The following CRY1 variants were observed in gnomAD, a reference collection of about 807,000 sequenced individuals.
The protein encoded by CRY1 is cryptochrome-1.
In CRY1, 45 loss-of-function variants were observed where a neutral mutation model predicts 76.0. The ratio of observed to expected loss-of-function variants is 0.59; its 90% CI spans 0.47 to 0.76. The LOEUF (loss-of-function observed/expected upper bound fraction) is 0.76, where lower values mean the gene tolerates loss of function less well. CRY1 is among the 30% of genes least tolerant of loss of function. The pLI, the probability that CRY1 is intolerant of heterozygous loss-of-function variation, is 0.00. For synonymous variants in CRY1, 248 were observed against 244.0 expected, an observed-to-expected ratio of 1.02 and a Z score of -0.15; for missense variants, 587 against 716.4, an observed-to-expected ratio of 0.82 and a Z score of 2.06.
chr12:106,993,414 T>A (rs968291716), intron 10 of CRY1, among the ~76,000 whole-genome samples: 6 of 151,552 alleles, frequency 4.0e-5, no homozygotes, highest in Middle Eastern at 3.4e-3. Flanking sequence ...CATATTTCCT[T>A]GAGGATAAGG....
intron 1 of CRY1, among the ~76,000 whole-genome samples, chr12:107,048,850 A>G (rs779828763): frequency 2.0e-5 from 3 of 152,324 alleles, no homozygotes; most frequent in Admixed American, 6.5e-5. Flanking sequence ...TCCATAATTG[A>G]TAAGTCTAAT....
rs991339209 is a variant in CRY1, at chr12:107,021,965, A to G, written c.267+119T>C. On this transcript the variant is annotated intron_variant, in intron 2 of 12. Coordinates refer to ENST00000008527, the MANE Select transcript of CRY1 (RefSeq NM_004075.5). Reference sequence around the variant, plus strand: ...TTAAATAAAGAAAAAAAACCCACAAAATTTTTACTTGAAAATACTTATATT... The same window carrying G: ...TTAAATAAAGAAAAAAAACCCACAAGATTTTTACTTGAAAATACTTATATT... 3 of 760,560 alleles carry G rather than the reference A, an allele frequency of 3.9e-6. No individual in the cohort carries two copies. In the African/African-American group the frequency reaches 5.5e-5, roughly 14 times the overall value. The allele number at this position is 760,560 out of a possible 1,614,324, so 47.1% of individuals were successfully genotyped here.
chr12:107,073,926 C>T (rs569860408), intron 1 of CRY1, among the ~76,000 whole-genome samples: 17 of 152,276 alleles, frequency 1.1e-4, no homozygotes, highest in African/African-American at 4.1e-4. Context: ...CACTGTTACC[C>T]TAACCTCAAT....
intron 2 of CRY1, among the ~76,000 whole-genome samples, chr12:107,020,389 G>A (rs973888417): frequency 2.0e-5 from 3 of 152,124 alleles, no homozygotes; most frequent in Admixed American, 1.3e-4. Flanking sequence ...CATGGTTTGG[G>A]ATCTATGTCC....
intron 1 of CRY1, among the ~76,000 whole-genome samples, chr12:107,029,272 C>CT (rs1952650761): frequency 1.3e-5 from 2 of 152,122 alleles, no homozygotes; most frequent in South Asian, 4.2e-4. Flanking sequence ...CTTCTCCTTA[C>CT]TAATTCCACT....
chr12:107,022,009 T>A, intron 2 of CRY1, 75 bp downstream of exon 2: 3 of 1,130,218 alleles, frequency 2.7e-6, no homozygotes, highest in Non-Finnish European at 2.6e-6. Flanking sequence ...TTTCAATTAG[T>A]CAAAAAACTT....
chr12:107,039,066 A>G (rs564971040), intron 1 of CRY1, among the ~76,000 whole-genome samples: 1 of 152,284 alleles, frequency 6.6e-6, no homozygotes, highest in African/African-American at 2.4e-5. Context: ...CGGAAGTTGC[A>G]GTGAGCCGGG....
rs534587621 is a variant in CRY1 at position 107,009,778 on chromosome 12, T to C, written c.268-4530A>G. Among the ~76,000 whole-genome samples the C allele has an allele frequency of 9.2e-5, 14 of 151,582 alleles. No homozygotes were observed. In the East Asian group the frequency reaches 2.7e-3, roughly 29 times the overall value. On this transcript the variant is annotated intron_variant, in intron 2 of 12. Transcript: ENST00000008527. ...AAAAAAACTTTTTTTAAATAAAAAATATTGCTAGATTCAATTTAGTGATTT... is the reference window on the plus strand; with the variant it reads ...AAAAAAACTTTTTTTAAATAAAAAACATTGCTAGATTCAATTTAGTGATTT...
intron 2 of CRY1, among the ~76,000 whole-genome samples, chr12:107,019,730 C>G (rs865826059): frequency 6.6e-6 from 1 of 152,004 alleles, no homozygotes; most frequent in South Asian, 2.1e-4. Context: ...AAGATTGAGA[C>G]TAGCCTGAGC....
chr12:107,021,628 TG>T (rs1293650941), intron 2 of CRY1, among the ~76,000 whole-genome samples: 1 of 152,134 alleles, frequency 6.6e-6, no homozygotes, highest in African/African-American at 2.4e-5. Context: ...GTGTGTATAG[TG>T]TGTCATTTTA....
chr12:107,011,002 C>A (rs1313816633), intron 2 of CRY1, among the ~76,000 whole-genome samples: 1 of 152,176 alleles, frequency 6.6e-6, no homozygotes, highest in Non-Finnish European at 1.5e-5. Flanking sequence ...ACATCTCTCA[C>A]TTTCAACCAA....
chr12:107,025,746 G>A (rs1328357875), intron 1 of CRY1, among the ~76,000 whole-genome samples: 2 of 151,852 alleles, frequency 1.3e-5, no homozygotes, highest in Non-Finnish European at 2.9e-5. Flanking sequence ...TCTTCATGAG[G>A]CACACCTTCC....
chr12:107,032,787 T>A (rs772635690), intron 1 of CRY1, among the ~76,000 whole-genome samples: 4 of 152,226 alleles, frequency 2.6e-5, no homozygotes, highest in Non-Finnish European at 5.9e-5. Flanking sequence ...CTAGCCTGCA[T>A]GACAGAGCAA....
At chr12:107,080,533 C>G (rs765934456) in intron 1 of CRY1, among the ~76,000 whole-genome samples, 1 of 151,532 alleles carries the variant, frequency 6.6e-6, no homozygotes, top group Non-Finnish European at 1.5e-5. Context: ...AAAGGTTGAA[C>G]AGAAAAGGAG....
At position 107,041,594 on chromosome 12, in the gene CRY1, A is replaced by G. The variant is rs141506629; in HGVS notation, c.159-19402T>C. Reference sequence around the variant, plus strand: ...GTGTATTTTTAGAAGCTGCTGCAACATAACACTACAGGCCAAAAATCATGT... The same window carrying G: ...GTGTATTTTTAGAAGCTGCTGCAACGTAACACTACAGGCCAAAAATCATGT... On this transcript the variant is annotated intron_variant, in intron 1 of 12. Transcript: ENST00000008527. Among the ~76,000 whole-genome samples the G allele has an allele frequency of 6.9e-3, 1,056 of 152,346 alleles. 18 individuals are homozygous for G. The highest frequency in any genetic ancestry group is 0.024 in the African/African-American group (1,013 of 41,578).
chr12:106,997,913 A>T lies in CRY1; in HGVS notation c.1289+2T>A, dbSNP rs754454649. The stretch of plus-strand genomic sequence containing the variant: ...ACTGAGTAGTAATCACCCTTGATTT[A>T]CCTGATATAGTCTCCATTGGGATCT... On this transcript the variant is annotated splice_donor_variant, in intron 8 of 12. Coordinates refer to ENST00000008527, the MANE Select transcript of CRY1 (RefSeq NM_004075.5). LOFTEE classifies it high-confidence loss of function. 1 of 1,612,968 alleles carries T rather than the reference A, an allele frequency of 6.2e-7. No homozygotes were observed. The highest frequency in any genetic ancestry group is 8.5e-7 in the Non-Finnish European group (1 of 1,179,648).
intron 2 of CRY1, among the ~76,000 whole-genome samples, chr12:107,015,515 T>A (rs766594279): frequency 6.6e-6 from 1 of 152,182 alleles, no homozygotes; most frequent in Non-Finnish European, 1.5e-5. Flanking sequence ...AGCTAATTTT[T>A]AAAAATTTTT....
intron 1 of CRY1, among the ~76,000 whole-genome samples, chr12:107,065,756 G>A (rs531838617): frequency 2.0e-5 from 3 of 152,220 alleles, no homozygotes; most frequent in East Asian, 1.9e-4. Context: ...GAAATTGGAC[G>A]TTGCCCAAAA....
At chr12:107,083,993 C>T (rs1233310803) in intron 1 of CRY1, among the ~76,000 whole-genome samples, 7 of 152,112 alleles carry the variant, frequency 4.6e-5, no homozygotes, top group African/African-American at 9.7e-5. Flanking sequence ...AGCAAAGTCT[C>T]GGGATACAAA....
Sources: allele counts gnomAD v4.1 joint callset (sites outside exome capture counted in the v4.1 genomes callset), GRCh38; gene constraint gnomAD v4.1.1; transcripts MANE v1.5; gene names NCBI Gene and HGNC (gene_info 2026-07-23, HGNC 2026-07-21).